GPM6A: variants seen among roughly 807,000 people sequenced by gnomAD.
GPM6A encodes neuronal membrane glycoprotein M6-a.
Under a neutral mutation model 32.1 loss-of-function variants are expected in GPM6A, and 7 were observed. The observed-to-expected ratio is 0.22, with a 90% CI of 0.12 to 0.41. The LOEUF is 0.41. GPM6A is among the 10% of genes least tolerant of loss of function. GPM6A has a pLI of 1.00. For synonymous variants in GPM6A, 130 were observed against 123.4 expected, an observed-to-expected ratio of 1.05 and a Z score of -0.35; for missense variants, 235 against 347.2, an observed-to-expected ratio of 0.68 and a Z score of 2.57.
intron 3 of GPM6A, among the ~76,000 whole-genome samples, chr4:175,667,836 A>G (rs34945544): frequency 0.14 from 20,631 of 152,186 alleles, 1,905 homozygotes; most frequent in Non-Finnish European, 0.2. Flanking sequence ...GCCAAAGAGT[A>G]TATATCATGA....
At chr4:175,896,138 G>C (rs1737787876) in intron 1 of GPM6A, among the ~76,000 whole-genome samples, 2 of 152,172 alleles carry the variant, frequency 1.3e-5, no homozygotes, top group African/African-American at 4.8e-5. Flanking sequence ...TCCTGGAAGA[G>C]TGGCAGGAAA....
intron 4 of GPM6A, among the ~76,000 whole-genome samples, chr4:175,650,794 T>C (rs1341733588): frequency 6.6e-6 from 1 of 152,164 alleles, no homozygotes; most frequent in Admixed American, 6.5e-5. Context: ...AAGTGAAATG[T>C]CTCCTACTTT....
At chr4:175,856,932 C>T (rs888379195) in intron 1 of GPM6A, among the ~76,000 whole-genome samples, 5 of 152,122 alleles carry the variant, frequency 3.3e-5, no homozygotes, top group African/African-American at 4.8e-5. Flanking sequence ...AGGTAGCATT[C>T]GGGCAGGAAA....
chr4:175,662,184 T>A (rs1229431043), intron 3 of GPM6A, among the ~76,000 whole-genome samples: 2 of 152,140 alleles, frequency 1.3e-5, no homozygotes, highest in African/African-American at 4.8e-5. Flanking sequence ...TGATTCTACC[T>A]CCCTGTATAA....
At chr4:175,967,770 G>T (rs902809670) in intron 1 of GPM6A, among the ~76,000 whole-genome samples, 1 of 152,212 alleles carries the variant, frequency 6.6e-6, no homozygotes, top group Non-Finnish European at 1.5e-5. Flanking sequence ...AGTCAGACAA[G>T]ATCTACATAA....
chr4:175,964,347 T>C (rs1186955200), intron 1 of GPM6A, among the ~76,000 whole-genome samples: 1 of 151,590 alleles, frequency 6.6e-6, no homozygotes, highest in Non-Finnish European at 1.5e-5. Flanking sequence ...TAGAGACAAA[T>C]AGATAAAAGT....
At position 175,936,445 on chromosome 4, in the gene GPM6A, C is replaced by T. The variant is rs549591464; in HGVS notation, c.-23+65864G>A. 2.0e-5 allele frequency among the ~76,000 whole-genome samples: 3 copies of T among 151,726 alleles called. No homozygotes were observed. In the East Asian group the frequency reaches 5.8e-4, roughly 29 times the overall value. On this transcript the variant is annotated intron_variant, in intron 1 of 7. Coordinates refer to the GPM6A transcript ENST00000280187. The stretch of plus-strand genomic sequence containing the variant: ...CATGCATTAAACTGCATATGTGATG[C>T]CAGTCCTTTAGCCCACTAGAACATA...
chr4:175,996,579 G>A (rs951668437), intron 1 of GPM6A, among the ~76,000 whole-genome samples: 1 of 152,160 alleles, frequency 6.6e-6, no homozygotes, highest in Non-Finnish European at 1.5e-5. Context: ...AGGAAGATTA[G>A]CTGATTTTAT....
At chr4:175,799,344 T>C (rs1188148830) in intron 1 of GPM6A, among the ~76,000 whole-genome samples, 1 of 152,222 alleles carries the variant, frequency 6.6e-6, no homozygotes, top group East Asian at 1.9e-4. Context: ...TTTGACTCAC[T>C]GTGGGGCAGT....
intron 1 of GPM6A, among the ~76,000 whole-genome samples, chr4:175,999,473 A>C (rs1741409042): frequency 6.6e-6 from 1 of 152,212 alleles, no homozygotes; most frequent in South Asian, 2.1e-4. Flanking sequence ...GAGGAAATCA[A>C]ACAATAAAAG....
At chr4:175,882,672 C>A (rs1321967655) in intron 1 of GPM6A, among the ~76,000 whole-genome samples, 3 of 151,830 alleles carry the variant, frequency 2.0e-5, no homozygotes, top group Admixed American at 1.3e-4. Context: ...ATAGTATAAA[C>A]CAGGTGCTAT....
chr4:175,725,743 T>C (rs1746370980), intron 1 of GPM6A, among the ~76,000 whole-genome samples: 1 of 152,162 alleles, frequency 6.6e-6, no homozygotes, highest in South Asian at 2.1e-4. Flanking sequence ...AAATCTGTCT[T>C]CTGTCTATCA....
At chr4:175,704,340 T>C (rs915683729) in intron 1 of GPM6A, among the ~76,000 whole-genome samples, 14 of 150,778 alleles carry the variant, frequency 9.3e-5, no homozygotes, top group African/African-American at 3.4e-4. Flanking sequence ...CACACACACG[T>C]GCACGTGTGC....
At chr4:175,860,076 A>C (rs971167796) in intron 1 of GPM6A, among the ~76,000 whole-genome samples, 8 of 151,996 alleles carry the variant, frequency 5.3e-5, no homozygotes, top group African/African-American at 1.9e-4. Context: ...CTAACTTTAA[A>C]TTCATATATT....
At chr4:175,722,574 G>T in intron 1 of GPM6A, among the ~76,000 whole-genome samples, 1 of 151,904 alleles carries the variant, frequency 6.6e-6, no homozygotes, top group Admixed American at 6.6e-5. Context: ...CACCTATACT[G>T]GTGTCCATAA....
chr4:175,916,976 G>A (rs1019106732), intron 1 of GPM6A, among the ~76,000 whole-genome samples: 1 of 152,070 alleles, frequency 6.6e-6, no homozygotes, highest in Non-Finnish European at 1.5e-5. Context: ...GCTGTTTATG[G>A]GCATTCTCCT....
At chr4:175,748,606 G>C (rs1166151943) in intron 1 of GPM6A, among the ~76,000 whole-genome samples, 1 of 152,110 alleles carries the variant, frequency 6.6e-6, no homozygotes, top group Non-Finnish European at 1.5e-5. Flanking sequence ...TTGTTATTCT[G>C]TTTATAGAGC....
chr4:175,789,086 A>G (rs1733910468), intron 1 of GPM6A, among the ~76,000 whole-genome samples: 1 of 152,178 alleles, frequency 6.6e-6, no homozygotes, highest in Non-Finnish European at 1.5e-5. Context: ...TGAGGCCAGC[A>G]GGGTTTTAGG....
At chr4:175,930,184 G>A (rs1738980966) in intron 1 of GPM6A, among the ~76,000 whole-genome samples, 1 of 151,962 alleles carries the variant, frequency 6.6e-6, no homozygotes, top group African/African-American at 2.4e-5. Context: ...TCTCAAACAA[G>A]GCATCTTCTT....
Sources: allele counts gnomAD v4.1 joint callset (sites outside exome capture counted in the v4.1 genomes callset), GRCh38; gene constraint gnomAD v4.1.1; transcripts MANE v1.5; gene names NCBI Gene and HGNC (gene_info 2026-07-23, HGNC 2026-07-21).